The following NXPH1 variants were observed in gnomAD, a reference collection of about 807,000 sequenced individuals.
NXPH1 encodes neurexophilin 1.
Under a neutral mutation model 23.7 loss-of-function variants are expected in NXPH1, and 5 were observed. That is an observed-to-expected ratio of 0.21 (90% CI 0.11 to 0.44). The LOEUF is 0.44. Among genes scored for constraint, NXPH1 ranks in the 20% least tolerant of loss-of-function variants. NXPH1 has a pLI of 0.99. For synonymous variants in NXPH1, 144 were observed against 122.2 expected (o/e 1.18, Z -1.18); for missense variants, 324 against 321.6 (o/e 1.01, Z -0.06).
intron 2 of NXPH1, among the ~76,000 whole-genome samples, chr7:8,551,375 T>C (rs1018043134): frequency 6.6e-6 from 1 of 151,504 alleles, no homozygotes; most frequent in African/African-American, 2.4e-5. Flanking sequence ...AAATTCCAAC[T>C]TCACAAGGAG....
At chr7:8,747,744 T>G (rs1210924366) in intron 2 of NXPH1, among the ~76,000 whole-genome samples, 2 of 151,738 alleles carry the variant, frequency 1.3e-5, no homozygotes, top group African/African-American at 4.9e-5. Context: ...ATTCAGATGT[T>G]TAATCAATTA....
intron 2 of NXPH1, among the ~76,000 whole-genome samples, chr7:8,531,400 A>G (rs1301455149): frequency 6.6e-6 from 1 of 152,202 alleles, no homozygotes; most frequent in Non-Finnish European, 1.5e-5. Flanking sequence ...GTACAGAAAC[A>G]TTGTAGAAAA....
At chr7:8,745,792 C>T (rs1053491126) in intron 2 of NXPH1, among the ~76,000 whole-genome samples, 2 of 136,078 alleles carry the variant, frequency 1.5e-5, no homozygotes, top group African/African-American at 5.6e-5. Flanking sequence ...ATGATCTGAT[C>T]TCTTGACCTC....
At chr7:8,436,032 G>T (rs1256603296) in intron 2 of NXPH1, among the ~76,000 whole-genome samples, 1 of 152,202 alleles carries the variant, frequency 6.6e-6, no homozygotes, top group Non-Finnish European at 1.5e-5. Flanking sequence ...AACCCAAGGA[G>T]GTAGTGAGAT....
intron 2 of NXPH1, among the ~76,000 whole-genome samples, chr7:8,686,842 C>T (rs1239893119): frequency 5.9e-5 from 9 of 152,068 alleles, no homozygotes; most frequent in African/African-American, 1.9e-4. Context: ...GTCATTTATG[C>T]CATCACTGTA....
intron 2 of NXPH1, among the ~76,000 whole-genome samples, chr7:8,455,731 T>C (rs958904771): frequency 3.3e-5 from 5 of 152,218 alleles, no homozygotes; most frequent in African/African-American, 9.6e-5. Flanking sequence ...GCATCCTCTC[T>C]TCGTTGCTTC....
chr7:8,636,891 CAAT>C (rs2115139190), intron 2 of NXPH1, among the ~76,000 whole-genome samples: 1 of 152,240 alleles, frequency 6.6e-6, no homozygotes, highest in East Asian at 1.9e-4. Flanking sequence ...CAAATCTGAG[CAAT>C]AATTGAAGGT....
chr7:8,671,337 A>C (rs575034825), intron 2 of NXPH1, among the ~76,000 whole-genome samples: 268 of 152,300 alleles, frequency 1.8e-3, no homozygotes, highest in African/African-American at 6.1e-3. Context: ...TCTTGGACAG[A>C]TAGGTTCCTG....
intron 2 of NXPH1, among the ~76,000 whole-genome samples, chr7:8,635,854 A>G (rs781259807): frequency 2.0e-4 from 30 of 152,246 alleles, no homozygotes; most frequent in South Asian, 6.2e-4. Flanking sequence ...TAGTTTGCCC[A>G]TTTGTTTCAG....
intron 2 of NXPH1, among the ~76,000 whole-genome samples, chr7:8,663,744 C>A (rs1583220130): frequency 6.6e-6 from 1 of 152,074 alleles, no homozygotes; most frequent in Non-Finnish European, 1.5e-5. Context: ...TTTAACTGAG[C>A]TGAAAGGAGT....
chr7:8,652,341 A>G (rs77810968), intron 2 of NXPH1, among the ~76,000 whole-genome samples: 2,658 of 152,208 alleles, frequency 0.017, 86 homozygotes, highest in African/African-American at 0.061. Flanking sequence ...TATTTTATCT[A>G]TTTTATGTAG....
rs995092867 is a variant in NXPH1 at position 8,481,489 on chromosome 7, G to A, written c.54+45722G>A. ...TAAATACTATGAAATAAAACACAGA[G>A]GTCAGAAGTGAAATAGTGAGCCTGT... On this transcript the variant is annotated intron_variant, in intron 2 of 2. Coordinates refer to ENST00000405863, the MANE Select transcript of NXPH1 (RefSeq NM_152745.3). Among the ~76,000 whole-genome samples the A allele has an allele frequency of 4.6e-5, 7 of 152,202 alleles. No homozygotes were observed. The East Asian group carries it at 1.4e-3, about 29-fold the overall frequency.
intron 2 of NXPH1, among the ~76,000 whole-genome samples, chr7:8,545,502 AG>A (rs1818185696): frequency 6.6e-6 from 1 of 151,536 alleles, no homozygotes; most frequent in Admixed American, 6.6e-5. Context: ...TTTTACTTCG[AG>A]GGCATATGTA....
intron 2 of NXPH1, among the ~76,000 whole-genome samples, chr7:8,601,058 G>A (rs28710354): frequency 0.068 from 10,340 of 152,064 alleles, 768 homozygotes; most frequent in East Asian, 0.19. Flanking sequence ...TTTATATGCA[G>A]ATATTATGAC....
chr7:8,697,742 C>A (rs1767433194), intron 2 of NXPH1, among the ~76,000 whole-genome samples: 1 of 152,116 alleles, frequency 6.6e-6, no homozygotes, highest in African/African-American at 2.4e-5. Flanking sequence ...AGGTAGGATA[C>A]AGAAGCCAGA....
intron 2 of NXPH1, among the ~76,000 whole-genome samples, chr7:8,514,461 C>T (rs1342804048): frequency 2.6e-5 from 4 of 152,232 alleles, no homozygotes; most frequent in East Asian, 1.9e-4. Flanking sequence ...GTTTCTACTA[C>T]TATGGACAAG....
chr7:8,630,558 C>G (rs17152947), intron 2 of NXPH1, among the ~76,000 whole-genome samples: 3 of 152,012 alleles, frequency 2.0e-5, no homozygotes, highest in African/African-American at 4.8e-5. Flanking sequence ...CAAGCATATA[C>G]GTAATAAAAT....
intron 2 of NXPH1, among the ~76,000 whole-genome samples, chr7:8,679,344 C>T (rs1479220369): frequency 6.6e-6 from 1 of 152,082 alleles, no homozygotes; most frequent in Non-Finnish European, 1.5e-5. Context: ...ACATTATGGG[C>T]TAGACAAATA....
At chr7:8,652,774 T>G (rs902421651) in intron 2 of NXPH1, among the ~76,000 whole-genome samples, 3 of 152,276 alleles carry the variant, frequency 2.0e-5, no homozygotes, top group Non-Finnish European at 4.4e-5. Context: ...TTTATCCTTC[T>G]TAAGGGAAAA....
Sources: gnomAD v4.1 joint callset for allele counts (sites outside exome capture counted in the v4.1 genomes callset) on GRCh38, gnomAD v4.1.1 for gene constraint, MANE v1.5 for transcripts, NCBI Gene and HGNC (gene_info 2026-07-23, HGNC 2026-07-21) for gene names.